PPP2R2B: variants seen among roughly 807,000 people sequenced by gnomAD.
PPP2R2B encodes the protein protein phosphatase 2 regulatory subunit Bbeta.
PPP2R2B carries 5 observed loss-of-function variants against 46.0 expected under a neutral mutation model. The observed-to-expected ratio is 0.11, with a 90% confidence interval of 0.06 to 0.23. The LOEUF is 0.23. PPP2R2B is among the 10% of genes least tolerant of loss of function. The pLI, the probability that PPP2R2B is intolerant of heterozygous loss-of-function variation, is 1.00. For synonymous variants in PPP2R2B, 215 were observed against 206.7 expected, an observed-to-expected ratio of 1.04 and a Z score of -0.34; for missense variants, 367 against 575.0, an observed-to-expected ratio of 0.64 and a Z score of 3.70.
chr5:146,718,959 T>G (rs2151191245), intron 2 of PPP2R2B, among the ~76,000 whole-genome samples: 1 of 152,292 alleles, frequency 6.6e-6, no homozygotes, highest in South Asian at 2.1e-4. Context: ...TCACATGAAA[T>G]AATGGCTGAA....
intron 2 of PPP2R2B, among the ~76,000 whole-genome samples, chr5:146,868,055 T>C (rs905200641): frequency 6.6e-6 from 1 of 152,222 alleles, no homozygotes; most frequent in African/African-American, 2.4e-5. Context: ...GCACTTGCTC[T>C]TCCCCATCAG....
At chr5:146,993,750 T>C (rs1753804736) in intron 1 of PPP2R2B, among the ~76,000 whole-genome samples, 2 of 152,116 alleles carry the variant, frequency 1.3e-5, no homozygotes, top group African/African-American at 4.8e-5. Flanking sequence ...ACACTTGCTA[T>C]CATCATCATA....
chr5:147,028,130 G>A (rs7713487), intron 1 of PPP2R2B, among the ~76,000 whole-genome samples: 81,586 of 151,894 alleles, frequency 0.54, 22,383 homozygotes, highest in Middle Eastern at 0.62. Context: ...TTACACACAC[G>A]TACTATTTTC....
intron 2 of PPP2R2B, chr5:146,707,223 C>A: frequency 6.3e-7 from 1 of 1,581,080 alleles, no homozygotes; most frequent in Admixed American, 1.7e-5. Flanking sequence ...TCCCAGCCGT[C>A]TTCTGCTGCT....
At chr5:146,908,500 A>C (rs1763073938) in intron 1 of PPP2R2B, among the ~76,000 whole-genome samples, 1 of 151,574 alleles carries the variant, frequency 6.6e-6, no homozygotes, top group African/African-American at 2.4e-5. Context: ...GTTTGGGCCT[A>C]GCTACGTAAT....
At chr5:146,873,920 C>T (rs1391289033) in intron 2 of PPP2R2B, among the ~76,000 whole-genome samples, 2 of 152,196 alleles carry the variant, frequency 1.3e-5, no homozygotes, top group South Asian at 2.1e-4. Context: ...CTCCCTGTTC[C>T]TAGCCATAGT....
intron 1 of PPP2R2B, among the ~76,000 whole-genome samples, chr5:146,947,435 G>GT (rs748463591): frequency 6.6e-6 from 1 of 152,088 alleles, no homozygotes; most frequent in East Asian, 1.9e-4. Context: ...TTCATTTCCT[G>GT]TTTTTTCTGG....
At chr5:146,733,946 A>G (rs753955601) in intron 2 of PPP2R2B, among the ~76,000 whole-genome samples, 1 of 152,166 alleles carries the variant, frequency 6.6e-6, no homozygotes. Context: ...GGTGGTAGTA[A>G]TAGTAGTGGT....
rs1216981255 is a variant in PPP2R2B at position 146,987,089 on chromosome 5, G to C, written c.79+68576C>G. 8.5e-5 allele frequency among the ~76,000 whole-genome samples: 13 copies of C among 152,110 alleles called. 1 individual carries two copies. Among genetic ancestry groups the C allele is most frequent in the Non-Finnish European group, 1.6e-4 (11 of 68,006 alleles). On this transcript the variant is annotated intron_variant, in intron 1 of 8. Coordinates refer to the PPP2R2B transcript ENST00000336640. ...ACAGCAAAAACCTTATAGTCCAGAA[G>C]GGAGTGAAATGATATATTCAAAATG...
At chr5:146,938,852 C>G (rs1462504189) in intron 1 of PPP2R2B, among the ~76,000 whole-genome samples, 1 of 139,188 alleles carries the variant, frequency 7.2e-6, no homozygotes, top group Non-Finnish European at 1.5e-5. Flanking sequence ...GTGATCTCAG[C>G]TCACTGCAAC....
intron 2 of PPP2R2B, among the ~76,000 whole-genome samples, chr5:147,063,305 G>A (rs1757322122): frequency 6.6e-6 from 1 of 151,990 alleles, no homozygotes; most frequent in African/African-American, 2.4e-5. Flanking sequence ...GAGCCTTCTG[G>A]TAAGAGGTTA....
chr5:146,623,419 A>G (rs1273672372), intron 7 of PPP2R2B, among the ~76,000 whole-genome samples: 1 of 152,248 alleles, frequency 6.6e-6, no homozygotes, highest in Non-Finnish European at 1.5e-5. Flanking sequence ...TCCCACCACG[A>G]TAAGTGTACA....
intron 2 of PPP2R2B, chr5:146,706,595 C>T: frequency 2.4e-6 from 2 of 831,034 alleles, no homozygotes; most frequent in South Asian, 2.6e-5. Flanking sequence ...CCTTAATGAC[C>T]AGCTCCCTGC....
At chr5:147,004,425 C>T (rs1754332282) in intron 1 of PPP2R2B, among the ~76,000 whole-genome samples, 1 of 152,168 alleles carries the variant, frequency 6.6e-6, no homozygotes, top group Non-Finnish European at 1.5e-5. Context: ...AGGAAATTGA[C>T]TTCCTCCTGG....
intron 6 of PPP2R2B, among the ~76,000 whole-genome samples, chr5:146,647,918 G>A (rs1775693481): frequency 6.6e-6 from 1 of 152,192 alleles, no homozygotes; most frequent in African/African-American, 2.4e-5. Context: ...AACAAAATAT[G>A]CCAGGCATGG....
At chr5:147,050,255 C>G (rs1036975303) in intron 1 of PPP2R2B, among the ~76,000 whole-genome samples, 2 of 152,186 alleles carry the variant, frequency 1.3e-5, no homozygotes, top group Non-Finnish European at 2.9e-5. Flanking sequence ...TTGAGCATTA[C>G]TATTTCCATG....
At chr5:146,767,875 C>T (rs1414572088) in intron 2 of PPP2R2B, among the ~76,000 whole-genome samples, 1 of 152,174 alleles carries the variant, frequency 6.6e-6, no homozygotes, top group Non-Finnish European at 1.5e-5. Flanking sequence ...TAAAAATGAT[C>T]TGTGCCTAAC....
At chr5:146,833,394 A>G (rs758790626) in intron 2 of PPP2R2B, among the ~76,000 whole-genome samples, 5 of 152,194 alleles carry the variant, frequency 3.3e-5, no homozygotes, top group African/African-American at 7.2e-5. Flanking sequence ...GCAAGAGTAC[A>G]TGCAAGGATC....
chr5:147,016,655 C>G (rs928646830), intron 1 of PPP2R2B, among the ~76,000 whole-genome samples: 4 of 95,484 alleles, frequency 4.2e-5, no homozygotes, highest in Admixed American at 4.1e-4. Context: ...GCAGTATATT[C>G]AATCCTTCTG....
Sources: gnomAD v4.1 joint callset for allele counts (sites outside exome capture counted in the v4.1 genomes callset) on GRCh38, gnomAD v4.1.1 for gene constraint, MANE v1.5 for transcripts, NCBI Gene and HGNC (gene_info 2026-07-23, HGNC 2026-07-21) for gene names.